Variants in COXFA4 observed in about 807,000 individuals in gnomAD.
The protein encoded by COXFA4 is cytochrome c oxidase subunit FA4.
At chr7:10,933,394 ATAGT>A in the COXFA4 span, 5 of 459,382 alleles carry the variant, frequency 1.1e-5, no homozygotes, top group African/African-American at 4.0e-5. Context: ...TTAAATTCTA[ATAGT>A]TAATTTCCTA....
the COXFA4 span, chr7:10,932,595 T>C: frequency 1.3e-5 from 2 of 152,236 alleles, no homozygotes; most frequent in Admixed American, 6.5e-5. Flanking sequence ...GTTTCTATGA[T>C]GTGATGACTT....
At chr7:10,935,174 G>A in the COXFA4 span, among the ~76,000 whole-genome samples, 1 of 152,308 alleles carries the variant, frequency 6.6e-6, no homozygotes, top group Admixed American at 6.5e-5. Flanking sequence ...CACATTCATG[G>A]CATTGTTGCC....
At chr7:10,933,046 T>C in the COXFA4 span, 5,812 of 152,374 alleles carry the variant, frequency 0.038, 331 homozygotes, top group East Asian at 0.13. Flanking sequence ...ATCTCTTGAC[T>C]ACTAGCACCA....
At chr7:10,932,468 G>A in the COXFA4 span, 2 of 152,114 alleles carry the variant, frequency 1.3e-5, no homozygotes, top group African/African-American at 2.4e-5. Context: ...GATAATCCAC[G>A]TAATTCAAAT....
the COXFA4 span, chr7:10,938,642 G>T: frequency 2.0e-5 from 12 of 587,960 alleles, no homozygotes; most frequent in African/African-American, 2.0e-4. Context: ...ATAATTTCAT[G>T]AACCAAAAAA....
chr7:10,939,173 T>C, the COXFA4 span: 1 of 341,372 alleles, frequency 2.9e-6, no homozygotes, highest in Non-Finnish European at 5.6e-6. Context: ...TTTTTAAATT[T>C]CCAAGAAAAT....
the COXFA4 span, chr7:10,940,046 C>T: frequency 1.2e-6 from 2 of 1,613,824 alleles, no homozygotes; most frequent in Non-Finnish European, 8.5e-7. Context: ...GACCGATGAT[C>T]TGGCGGAGCA....
the COXFA4 span, among the ~76,000 whole-genome samples, chr7:10,936,879 C>T: frequency 0.64 from 97,328 of 151,800 alleles, 32,275 homozygotes; most frequent in African/African-American, 0.81. Flanking sequence ...CTACTAAAAA[C>T]ACAAAAAATC....
the COXFA4 span, chr7:10,938,002 C>T: frequency 6.4e-5 from 67 of 1,053,568 alleles, no homozygotes; most frequent in Non-Finnish European, 9.1e-5. Context: ...GAATTTTACT[C>T]GTATATCCAG....
chr7:10,939,112 G>C, the COXFA4 span: 1 of 484,294 alleles, frequency 2.1e-6, no homozygotes, highest in South Asian at 2.2e-5. Flanking sequence ...ATGTTAAGAT[G>C]ACTCTGGTTT....
chr7:10,939,747 T>C, the COXFA4 span: 2 of 523,422 alleles, frequency 3.8e-6, no homozygotes, highest in Admixed American at 6.3e-5. Context: ...GCCACCAGAC[T>C]GTTCCAATAT....
At chr7:10,938,759 A>G in the COXFA4 span, 13 of 1,411,544 alleles carry the variant, frequency 9.2e-6, no homozygotes, top group Non-Finnish European at 1.3e-5. Flanking sequence ...TGTGGCTCCT[A>G]AACTGCCTTG....
chr7:10,935,632 C>G, the COXFA4 span, among the ~76,000 whole-genome samples: 3 of 152,112 alleles, frequency 2.0e-5, no homozygotes, highest in African/African-American at 7.2e-5. Flanking sequence ...AGTGCCTTTA[C>G]AGGAGGGCTC....
At chr7:10,933,362 C>A in the COXFA4 span, 1 of 397,428 alleles carries the variant, frequency 2.5e-6, no homozygotes, top group South Asian at 3.3e-5. Context: ...TATTTTCAAA[C>A]TACAGAAATT....
the COXFA4 span, among the ~76,000 whole-genome samples, chr7:10,936,371 G>A: frequency 1.3e-5 from 2 of 152,074 alleles, no homozygotes; most frequent in East Asian, 1.9e-4. Context: ...CTGCATTATC[G>A]GAATCATCTG....
chr7:10,938,303 T>C, the COXFA4 span: 2 of 649,002 alleles, frequency 3.1e-6, no homozygotes, highest in Non-Finnish European at 5.3e-6. Context: ...GGATCTATAA[T>C]AAGCAATCTC....
At chr7:10,938,923 C>T in the COXFA4 span, 4 of 1,556,820 alleles carry the variant, frequency 2.6e-6, no homozygotes, top group African/African-American at 5.4e-5. Flanking sequence ...ATAGAATAAC[C>T]ATCTTCAAAT....
the COXFA4 span, chr7:10,938,227 AG>A: frequency 8.0e-7 from 1 of 1,254,160 alleles, no homozygotes. Context: ...ATTTTTGAAC[AG>A]ATCAATCTTA....
At chr7:10,935,576 G>A in the COXFA4 span, among the ~76,000 whole-genome samples, 2 of 152,156 alleles carry the variant, frequency 1.3e-5, no homozygotes, top group Non-Finnish European at 2.9e-5. Flanking sequence ...TTTGGAGGCT[G>A]GGCCTTTGAG....
Sources: allele counts gnomAD v4.1 joint callset (sites outside exome capture counted in the v4.1 genomes callset), GRCh38; gene constraint gnomAD v4.1.1; transcripts MANE v1.5; gene names NCBI Gene and HGNC (gene_info 2026-07-23, HGNC 2026-07-21).